GABRB1: variants seen among roughly 807,000 people sequenced by gnomAD.
GABRB1 encodes gamma-aminobutyric acid type A receptor subunit beta1, also known as gamma-aminobutyric acid receptor subunit beta-1.
Under a neutral mutation model 51.6 loss-of-function variants are expected in GABRB1, and 17 were observed. That is an observed-to-expected ratio of 0.33 (90% confidence interval 0.23 to 0.49). The LOEUF is 0.49. Ranked by LOEUF, GABRB1 falls within the 20% of genes least tolerant of loss-of-function variation. The probability of loss-of-function intolerance (pLI) is 0.99; values close to 1 mark genes in which losing one functional copy is unlikely to be tolerated. For synonymous variants in GABRB1, 247 were observed against 218.9 expected (o/e 1.13, Z -1.14); for missense variants, 410 against 600.6 (o/e 0.68, Z 3.32).
At chr4:47,205,192 T>A (rs1720064580) in intron 4 of GABRB1, among the ~76,000 whole-genome samples, 1 of 152,100 alleles carries the variant, frequency 6.6e-6, no homozygotes, top group East Asian at 1.9e-4. Context: ...GAAAGGCAAA[T>A]TTACATGGAC....
At chr4:47,287,572 T>G (rs1287832608) in intron 4 of GABRB1, among the ~76,000 whole-genome samples, 2 of 152,218 alleles carry the variant, frequency 1.3e-5, no homozygotes, top group Non-Finnish European at 2.9e-5. Flanking sequence ...CTGTACTTTG[T>G]GTTAGACAGC....
intron 4 of GABRB1, among the ~76,000 whole-genome samples, chr4:47,289,743 T>C (rs1305708081): frequency 6.6e-6 from 1 of 152,222 alleles, no homozygotes; most frequent in Non-Finnish European, 1.5e-5. Context: ...CCTGGGATGA[T>C]AAATTAAATC....
At chr4:47,243,435 T>C (rs1721613405) in intron 4 of GABRB1, among the ~76,000 whole-genome samples, 17 of 152,332 alleles carry the variant, frequency 1.1e-4, no homozygotes, top group Admixed American at 8.5e-4. Context: ...AAGTCATTGG[T>C]AGCTTGATGG....
chr4:47,087,338 T>C (rs1374452353), intron 3 of GABRB1, among the ~76,000 whole-genome samples: 4 of 152,164 alleles, frequency 2.6e-5, no homozygotes, highest in East Asian at 1.9e-4. Context: ...TGATTACATA[T>C]AACATTGTAT....
chr4:47,256,428 T>C (rs6834646), intron 4 of GABRB1, among the ~76,000 whole-genome samples: 33,211 of 152,192 alleles, frequency 0.22, 3,809 homozygotes, highest in African/African-American at 0.27. Context: ...GAATAATTAA[T>C]GTTTGCTATT....
At chr4:47,230,667 C>T (rs1377790722) in intron 4 of GABRB1, among the ~76,000 whole-genome samples, 2 of 152,126 alleles carry the variant, frequency 1.3e-5, no homozygotes, top group Admixed American at 1.3e-4. Flanking sequence ...TCTCTATCTT[C>T]CCATAACCAT....
intron 4 of GABRB1, among the ~76,000 whole-genome samples, chr4:47,272,319 C>A (rs1159559747): frequency 6.6e-6 from 1 of 152,128 alleles, no homozygotes; most frequent in Admixed American, 6.6e-5. Context: ...ATTGTGGCTT[C>A]CCCTCCCCTT....
At chr4:47,194,858 A>C (rs1324226322) in intron 4 of GABRB1, among the ~76,000 whole-genome samples, 2 of 152,218 alleles carry the variant, frequency 1.3e-5, no homozygotes, top group Non-Finnish European at 2.9e-5. Flanking sequence ...GTCAGAGACT[A>C]CGGAGAAGTG....
intron 3 of GABRB1, among the ~76,000 whole-genome samples, chr4:47,146,952 T>C (rs1249960518): frequency 1.3e-5 from 2 of 152,110 alleles, no homozygotes; most frequent in Non-Finnish European, 2.9e-5. Flanking sequence ...AGGAATTTGA[T>C]TGGTTGAATG....
chr4:47,028,178 T>C (rs1406346759), upstream of GABRB1, among the ~76,000 whole-genome samples: 1 of 151,720 alleles, frequency 6.6e-6, no homozygotes, highest in African/African-American at 2.4e-5. Flanking sequence ...ATATTTTCTA[T>C]TTTTTAAAAA....
intron 3 of GABRB1, among the ~76,000 whole-genome samples, chr4:47,122,505 A>G (rs1326894397): frequency 6.6e-6 from 1 of 152,204 alleles, no homozygotes; most frequent in Non-Finnish European, 1.5e-5. Context: ...TAATTCTAAC[A>G]TATCATGGAA....
At chr4:47,221,986 C>T (rs373753609) in intron 4 of GABRB1, among the ~76,000 whole-genome samples, 78 of 152,162 alleles carry the variant, frequency 5.1e-4, no homozygotes, top group African/African-American at 1.9e-3. Context: ...ACACCAGAAA[C>T]CACTTTAGCA....
At chr4:47,036,008 C>T (rs1018804995) in intron 3 of GABRB1, among the ~76,000 whole-genome samples, 1 of 152,094 alleles carries the variant, frequency 6.6e-6, no homozygotes, top group Non-Finnish European at 1.5e-5. Context: ...CCTAGAAGAC[C>T]TTACATCGAA....
intron 3 of GABRB1, among the ~76,000 whole-genome samples, chr4:47,121,916 T>G (rs1463423370): frequency 1.3e-5 from 2 of 152,218 alleles, no homozygotes; most frequent in Non-Finnish European, 2.9e-5. Flanking sequence ...TTAAAGCTTC[T>G]GTTTTTACTA....
chr4:47,189,482 A>G lies in GABRB1; in HGVS notation c.461+28013A>G, dbSNP rs1046308617. On this transcript the variant is annotated intron_variant, in intron 4 of 8. Coordinates refer to ENST00000295454, the MANE Select transcript of GABRB1 (RefSeq NM_000812.4). The stretch of plus-strand genomic sequence containing the variant: ...GATGATAGAATATAAGAAACTATCC[A>G]ATAACCTCTATAAATGAAGAGACTC... Among the ~76,000 whole-genome samples, 11 of 152,018 alleles carry G rather than the reference A, an allele frequency of 7.2e-5. No homozygotes were observed. The South Asian group carries it at 1.9e-3, about 26-fold the overall frequency.
chr4:47,380,740 T>C (rs999117525), intron 5 of GABRB1, among the ~76,000 whole-genome samples: 6 of 152,218 alleles, frequency 3.9e-5, no homozygotes, highest in African/African-American at 1.4e-4. Context: ...TTTTTGCTTA[T>C]ATAGGCACAC....
At chr4:47,172,905 G>A (rs1282334612) in intron 4 of GABRB1, among the ~76,000 whole-genome samples, 5 of 152,012 alleles carry the variant, frequency 3.3e-5, no homozygotes, top group South Asian at 4.2e-4. Context: ...GCCACCCAAA[G>A]TGCAGGTTTA....
At chr4:47,186,043 G>T (rs1436447082) in intron 4 of GABRB1, among the ~76,000 whole-genome samples, 1 of 151,772 alleles carries the variant, frequency 6.6e-6, no homozygotes, top group Non-Finnish European at 1.5e-5. Flanking sequence ...CCTATATATA[G>T]CTTTTGCCAG....
intron 4 of GABRB1, among the ~76,000 whole-genome samples, chr4:47,273,856 T>C (rs1304160341): frequency 1.1e-5 from 1 of 92,392 alleles, no homozygotes; most frequent in Non-Finnish European, 2.1e-5. Flanking sequence ...AAGTAAACCA[T>C]ATATACATAC....
Sources: allele counts gnomAD v4.1 joint callset (sites outside exome capture counted in the v4.1 genomes callset), GRCh38; gene constraint gnomAD v4.1.1; transcripts MANE v1.5; gene names NCBI Gene and HGNC (gene_info 2026-07-23, HGNC 2026-07-21).